The following MAF variants were observed in gnomAD, a reference collection of about 807,000 sequenced individuals.
MAF encodes the protein MAF bZIP transcription factor.
In MAF, 10 loss-of-function variants were observed where a neutral mutation model predicts 22.0. The ratio of observed to expected loss-of-function variants is 0.45; its 90% CI spans 0.28 to 0.77. The LOEUF is 0.77. Among genes scored for constraint, MAF ranks in the 30% least tolerant of loss-of-function variants. MAF has a pLI of 0.12. For synonymous variants in MAF, 337 were observed against 255.8 expected (o/e 1.32, Z -3.03); for missense variants, 544 against 548.4 (o/e 0.99, Z 0.08).
the MAF span, among the ~76,000 whole-genome samples, chr16:79,298,193 T>G: frequency 6.6e-6 from 1 of 152,228 alleles, no homozygotes; most frequent in Admixed American, 6.5e-5. Context: ...AGCCTCTCTC[T>G]GCCCATGGGG....
At chr16:79,423,439 A>G in the MAF span, among the ~76,000 whole-genome samples, 1 of 152,178 alleles carries the variant, frequency 6.6e-6, no homozygotes, top group Non-Finnish European at 1.5e-5. Flanking sequence ...GAGCAAATCA[A>G]ACCCGATGAC....
the MAF span, among the ~76,000 whole-genome samples, chr16:79,273,506 G>C: frequency 6.6e-6 from 1 of 152,164 alleles, no homozygotes; most frequent in Admixed American, 6.5e-5. Context: ...GTCTCACTGG[G>C]CTAAAATCAA....
chr16:79,289,010 G>T, the MAF span, among the ~76,000 whole-genome samples: 1 of 152,214 alleles, frequency 6.6e-6, no homozygotes, highest in African/African-American at 2.4e-5. Flanking sequence ...GATTACAGGC[G>T]TAAGCCACTG....
At chr16:79,223,512 C>G in the MAF span, among the ~76,000 whole-genome samples, 9 of 152,158 alleles carry the variant, frequency 5.9e-5, no homozygotes, top group Middle Eastern at 6.8e-3. Flanking sequence ...TAACTAAGAT[C>G]AGAGCAGAAC....
chr16:79,447,905 A>AAAAAAAAAAAAAAAAAAAG, the MAF span, among the ~76,000 whole-genome samples: 433 of 85,748 alleles, frequency 5.0e-3, 3 homozygotes, highest in Non-Finnish European at 7.0e-3. Context: ...AAAAAAAAAA[A>AAAAAAAAAAAAAAAAAAAG]AAAAGAAAAG....
chr16:79,369,675 A>G, the MAF span, among the ~76,000 whole-genome samples: 1 of 152,216 alleles, frequency 6.6e-6, no homozygotes, highest in Non-Finnish European at 1.5e-5. Flanking sequence ...CAACATTTGT[A>G]TAAGGATTCA....
chr16:79,281,966 G>A, the MAF span, among the ~76,000 whole-genome samples: 6 of 152,130 alleles, frequency 3.9e-5, no homozygotes, highest in African/African-American at 1.4e-4. Context: ...AGTTTGATAT[G>A]GAACAATCCA....
chr16:79,244,750 G>A, the MAF span, among the ~76,000 whole-genome samples: 2 of 151,928 alleles, frequency 1.3e-5, no homozygotes, highest in South Asian at 2.1e-4. Context: ...AAAAGAGCCC[G>A]CATAGCCAAG....
the MAF span, among the ~76,000 whole-genome samples, chr16:79,427,735 C>T: frequency 1.1e-4 from 17 of 152,236 alleles, 1 homozygote; most frequent in Middle Eastern, 3.4e-3. Flanking sequence ...GTATTCTCCT[C>T]TGAATTCCGC....
chr16:79,571,032 C>A, the MAF span, among the ~76,000 whole-genome samples: 1 of 151,630 alleles, frequency 6.6e-6, no homozygotes, highest in Non-Finnish European at 1.5e-5. Flanking sequence ...GTGACTTTCC[C>A]AAAGTCACAA....
At chr16:79,387,581 G>A in the MAF span, among the ~76,000 whole-genome samples, 1 of 152,206 alleles carries the variant, frequency 6.6e-6, no homozygotes, top group Non-Finnish European at 1.5e-5. Flanking sequence ...CTGAGGCTGT[G>A]AGTGTGTATA....
the MAF span, among the ~76,000 whole-genome samples, chr16:79,534,090 T>C: frequency 6.6e-6 from 1 of 152,212 alleles, no homozygotes; most frequent in African/African-American, 2.4e-5. Flanking sequence ...AGGAAAGAGA[T>C]CAGAATCTAC....
chr16:79,277,865 A>T, the MAF span, among the ~76,000 whole-genome samples: 1 of 152,164 alleles, frequency 6.6e-6, no homozygotes, highest in Admixed American at 6.5e-5. Context: ...GAGGCATTAT[A>T]TCTGTGCCTC....
chr16:79,212,315 C>G, the MAF span: 1 of 844,502 alleles, frequency 1.2e-6, no homozygotes, highest in Non-Finnish European at 1.8e-6. Flanking sequence ...GGAGACAAAT[C>G]TCAGAACCTT....
At chr16:79,527,266 T>G in the MAF span, among the ~76,000 whole-genome samples, 11 of 152,208 alleles carry the variant, frequency 7.2e-5, no homozygotes, top group African/African-American at 2.7e-4. Flanking sequence ...GATATAGGGT[T>G]TCATCTCCTT....
the MAF span, among the ~76,000 whole-genome samples, chr16:79,406,580 T>G: frequency 6.6e-6 from 1 of 152,108 alleles, no homozygotes; most frequent in Non-Finnish European, 1.5e-5. Context: ...AACATGAAAG[T>G]TCCACCCTCA....
In MAF at chr16:79,600,637, C is replaced by G. The variant is rs959129355; in HGVS notation, c.-735G>C. The G allele has an allele frequency of 5.1e-6, 1 of 196,910 alleles. No homozygotes were observed. The highest frequency in any genetic ancestry group is 1.2e-5 in the Non-Finnish European group (1 of 86,052). 12.2% of individuals were successfully genotyped at this position (196,910 alleles called of 1,614,324 possible). A position where few individuals can be genotyped will look rare whatever the true frequency, so the allele number is the denominator to read the frequency against. On this transcript the variant is annotated 5_prime_UTR_variant, in exon 1 of 2. Transcript: ENST00000326043. The stretch of plus-strand genomic sequence containing the variant: ...AAAATAGCGAAGTCCTGGGGAAAGA[C>G]GAGGCAGAGAGCAAAGGGGGGAGGG...
the MAF span, among the ~76,000 whole-genome samples, chr16:79,437,559 A>G: frequency 2.0e-5 from 3 of 152,086 alleles, no homozygotes; most frequent in Admixed American, 6.5e-5. Flanking sequence ...GCCACTGCAC[A>G]TTCCACCCAT....
the MAF span, among the ~76,000 whole-genome samples, chr16:79,369,937 C>G: frequency 3.9e-5 from 6 of 152,210 alleles, no homozygotes; most frequent in Non-Finnish European, 8.8e-5. Flanking sequence ...TGGCTTCCCC[C>G]ACAGAGGGCC....
Sources: allele counts gnomAD v4.1 joint callset (sites outside exome capture counted in the v4.1 genomes callset), GRCh38; gene constraint gnomAD v4.1.1; transcripts MANE v1.5; gene names NCBI Gene and HGNC (gene_info 2026-07-23, HGNC 2026-07-21).